CPQ: variants seen among roughly 807,000 people sequenced by gnomAD.
The protein encoded by CPQ is Ser-Met dipeptidase.
A neutral mutation model predicts 45.7 loss-of-function variants in CPQ; 37 were observed. The ratio of observed to expected loss-of-function variants is 0.81; its 90% confidence interval spans 0.62 to 1.07. CPQ has a LOEUF of 1.07. Among genes scored for constraint, CPQ ranks in the 50% least tolerant of loss-of-function variants. The probability of loss-of-function intolerance (pLI) is 0.00; values close to 1 mark genes in which losing one functional copy is unlikely to be tolerated. For synonymous variants in CPQ, 186 were observed against 205.8 expected, an observed-to-expected ratio of 0.90 and a Z score of 0.82; for missense variants, 537 against 572.9, an observed-to-expected ratio of 0.94 and a Z score of 0.64.
intron 5 of CPQ, among the ~76,000 whole-genome samples, chr8:96,980,977 T>C (rs1487926031): frequency 6.6e-6 from 1 of 152,180 alleles, no homozygotes. Context: ...TAACAGTGTG[T>C]AGAGAAAAAT....
intron 1 of CPQ, among the ~76,000 whole-genome samples, chr8:96,768,222 A>G (rs1810494282): frequency 1.3e-5 from 2 of 150,962 alleles, no homozygotes; most frequent in African/African-American, 2.4e-5. Flanking sequence ...TTTATTTTAC[A>G]TTGACTGATT....
At chr8:96,774,677 G>T (rs1452073791) in intron 1 of CPQ, among the ~76,000 whole-genome samples, 1 of 152,180 alleles carries the variant, frequency 6.6e-6, no homozygotes, top group East Asian at 1.9e-4. Flanking sequence ...ATTGACTAGG[G>T]TGGGGAATAA....
intron 3 of CPQ, among the ~76,000 whole-genome samples, chr8:96,850,801 G>A (rs983337947): frequency 6.6e-6 from 1 of 151,890 alleles, no homozygotes; most frequent in African/African-American, 2.4e-5. Flanking sequence ...TAGAGACAGG[G>A]TTGCTCCAAG....
intron 7 of CPQ, among the ~76,000 whole-genome samples, chr8:97,089,834 T>C (rs1025526538): frequency 6.6e-6 from 1 of 152,144 alleles, no homozygotes; most frequent in Admixed American, 6.6e-5. Context: ...CAATCTCCTG[T>C]ACAGCTTATT....
At chr8:96,853,569 T>A (rs1176013385) in intron 3 of CPQ, among the ~76,000 whole-genome samples, 5 of 152,204 alleles carry the variant, frequency 3.3e-5, no homozygotes, top group Non-Finnish European at 5.9e-5. Context: ...CATGATTTTT[T>A]TTTTTTTTGG....
chr8:96,747,640 G>A (rs751436832), intron 1 of CPQ, among the ~76,000 whole-genome samples: 4 of 152,184 alleles, frequency 2.6e-5, no homozygotes, highest in East Asian at 1.9e-4. Flanking sequence ...ATTATGGAGC[G>A]TCTTAAGATT....
intron 1 of CPQ, among the ~76,000 whole-genome samples, chr8:96,686,662 T>C (rs929008068): frequency 6.6e-6 from 1 of 152,014 alleles, no homozygotes; most frequent in Non-Finnish European, 1.5e-5. Flanking sequence ...TTTTTATTTT[T>C]TTTCTGTGCT....
At chr8:96,733,883 T>C (rs921785195) in intron 1 of CPQ, among the ~76,000 whole-genome samples, 1 of 152,186 alleles carries the variant, frequency 6.6e-6, no homozygotes, top group Non-Finnish European at 1.5e-5. Context: ...GTAAGATGAA[T>C]ATAAGCTGTG....
intron 7 of CPQ, among the ~76,000 whole-genome samples, chr8:97,083,064 C>A (rs1810980532): frequency 6.6e-6 from 1 of 152,164 alleles, no homozygotes; most frequent in Non-Finnish European, 1.5e-5. Flanking sequence ...GTGCTTTTGA[C>A]AAGTTACTTA....
intron 4 of CPQ, among the ~76,000 whole-genome samples, chr8:96,897,779 G>T (rs1167110651): frequency 6.6e-6 from 1 of 152,130 alleles, no homozygotes; most frequent in East Asian, 1.9e-4. Context: ...TACTCAACAT[G>T]TGAGACTCTG....
chr8:97,015,461 C>T (rs933368149), intron 5 of CPQ, among the ~76,000 whole-genome samples: 8 of 150,456 alleles, frequency 5.3e-5, no homozygotes, highest in Non-Finnish European at 1.2e-4. Context: ...TGCCAGGCAT[C>T]GGATATAAAC....
At position 97,079,375 on chromosome 8, in the gene CPQ, G is replaced by A. The variant is rs550584219; in HGVS notation, c.1255+13165G>A. ...GAAGCAATTGGAAAAGAGGCTTAAG[G>A]AGAGAATTTAACATATATTTGTTGT... is the stretch of plus-strand genomic sequence containing the variant. On this transcript the variant is annotated intron_variant, in intron 7 of 7. Transcript: ENST00000220763. Among the ~76,000 whole-genome samples, 136 of 152,272 alleles carry A rather than the reference G, an allele frequency of 8.9e-4. 1 individual carries two copies. In the South Asian group the frequency reaches 9.8e-3, roughly 11 times the overall value.
chr8:96,836,954 G>A (rs1447444586), intron 3 of CPQ, among the ~76,000 whole-genome samples: 1 of 151,932 alleles, frequency 6.6e-6, no homozygotes, highest in African/African-American at 2.4e-5. Context: ...ATATTTCACT[G>A]GACTCTTAAC....
intron 1 of CPQ, among the ~76,000 whole-genome samples, chr8:96,771,104 A>C (rs1013628767): frequency 2.1e-5 from 3 of 145,958 alleles, no homozygotes; most frequent in Non-Finnish European, 3.0e-5. Context: ...TATATATATA[A>C]ATATATATAT....
chr8:96,890,408 C>T (rs752922482), intron 4 of CPQ, among the ~76,000 whole-genome samples: 2 of 152,112 alleles, frequency 1.3e-5, no homozygotes, highest in Non-Finnish European at 2.9e-5. Context: ...CTCAGTGGGT[C>T]GTAGTTTTTT....
At chr8:96,777,143 A>G (rs918971883) in intron 1 of CPQ, among the ~76,000 whole-genome samples, 6 of 152,130 alleles carry the variant, frequency 3.9e-5, no homozygotes, top group African/African-American at 1.4e-4. Flanking sequence ...AATGAATTGC[A>G]TCTTTTATAG....
At chr8:97,071,629 C>A (rs984248884) in intron 7 of CPQ, among the ~76,000 whole-genome samples, 1 of 152,188 alleles carries the variant, frequency 6.6e-6, no homozygotes, top group Non-Finnish European at 1.5e-5. Context: ...AGTAATATCC[C>A]AACCTGTGTT....
chr8:97,023,099 ATATATATACACAC>A (rs1276810400), intron 5 of CPQ, among the ~76,000 whole-genome samples: 6 of 100,412 alleles, frequency 6.0e-5, no homozygotes, highest in Non-Finnish European at 1.4e-4. Flanking sequence ...TGTATATACT[ATATATATACACAC>A]TATATATATA....
intron 5 of CPQ, among the ~76,000 whole-genome samples, chr8:97,018,525 A>G (rs1215123262): frequency 6.6e-6 from 1 of 152,218 alleles, no homozygotes; most frequent in Non-Finnish European, 1.5e-5. Flanking sequence ...ATTCAGTGAA[A>G]TAGATAGCAT....
Sources: gnomAD v4.1 joint callset for allele counts (sites outside exome capture counted in the v4.1 genomes callset) on GRCh38, gnomAD v4.1.1 for gene constraint, MANE v1.5 for transcripts, NCBI Gene and HGNC (gene_info 2026-07-23, HGNC 2026-07-21) for gene names.